TENT4B: variants seen among roughly 807,000 people sequenced by gnomAD.
TENT4B encodes terminal nucleotidyltransferase 4B, also known as PAP associated domain containing 5.
A neutral mutation model predicts 75.0 loss-of-function variants in TENT4B; 10 were observed. The ratio of observed to expected loss-of-function variants is 0.13; its 90% CI spans 0.08 to 0.23. TENT4B has a LOEUF of 0.23. TENT4B is among the 10% of genes least tolerant of loss of function. TENT4B has a pLI of 1.00. For synonymous variants in TENT4B, 350 were observed against 357.7 expected, an observed-to-expected ratio of 0.98 and a Z score of 0.24; for missense variants, 579 against 893.8, an observed-to-expected ratio of 0.65 and a Z score of 4.49.
chr16:50,220,125 A>G (rs2031758687), intron 5 of TENT4B, among the ~76,000 whole-genome samples: 1 of 151,358 alleles, frequency 6.6e-6, no homozygotes, highest in Non-Finnish European at 1.5e-5. Context: ...AGTAGCTGGG[A>G]TTAGAGGCGC....
At position 50,153,853 on chromosome 16, in the gene TENT4B, C is replaced by G; in HGVS notation, c.232C>G (p.Pro78Ala). The change falls in exon 1 of 12, where the codon CCG (proline) becomes GCG (alanine). Residue 78 changes from proline to alanine, a missense_variant. Coordinates refer to ENST00000561678, the MANE Select transcript of TENT4B (RefSeq NM_001365324.3). The stretch of plus-strand genomic sequence containing the variant: ...CGGCGGCGCGGCCTCGGCCCCGGCC[C>G]CGGCCCCGGCCGGCATGTATCGCTC... Reference protein sequence around the residue: ...SPGGAASAPAPAPAGMYRSGE... With the variant: ...SPGGAASAPAAAPAGMYRSGE... 7.2e-7 allele frequency: 1 copy of G among 1,380,008 alleles called. No homozygotes were observed. The highest frequency in any genetic ancestry group is 1.6e-5 in the South Asian group (1 of 60,766). The allele number at this position is 1,380,008 out of a possible 1,614,324, so 85.5% of individuals were successfully genotyped here. A position where few individuals can be genotyped will look rare whatever the true frequency, so the allele number is the denominator to read the frequency against.
intron 1 of TENT4B, among the ~76,000 whole-genome samples, chr16:50,155,274 T>TGTGG (rs2037873653): frequency 7.3e-6 from 1 of 136,822 alleles, no homozygotes; most frequent in Non-Finnish European, 1.5e-5. Flanking sequence ...GTCTCGTGGG[T>TGTGG]GTGTGTGTGT....
At position 50,230,166 on chromosome 16, in the gene TENT4B, A is replaced by G. The variant is rs1324632714; in HGVS notation, c.*838A>G. On this transcript the variant is annotated 3_prime_UTR_variant, in exon 12 of 12. Transcript: ENST00000561678. Reference sequence around the variant, plus strand: ...TGTACTTTTGTGTAAACACTGAAAAATCTCTGGTCATCTCCGAGAATTAAC... The same window carrying G: ...TGTACTTTTGTGTAAACACTGAAAAGTCTCTGGTCATCTCCGAGAATTAAC... The G allele has an allele frequency of 3.0e-6, 3 of 984,496 alleles. No homozygotes were observed. The highest frequency in any genetic ancestry group is 3.6e-6 in the Non-Finnish European group (3 of 829,784). 61.0% of individuals were successfully genotyped at this position (984,496 alleles called of 1,614,324 possible).
chr16:50,184,907 A>G (rs922317860), intron 1 of TENT4B, among the ~76,000 whole-genome samples: 2 of 152,056 alleles, frequency 1.3e-5, no homozygotes, highest in African/African-American at 2.4e-5. Flanking sequence ...TCTTGGGTCA[A>G]TATCTAGGAG....
intron 1 of TENT4B, among the ~76,000 whole-genome samples, chr16:50,171,556 C>T (rs73571776): frequency 0.016 from 2,480 of 152,290 alleles, 68 homozygotes; most frequent in African/African-American, 0.056. Context: ...TATTTAGAAG[C>T]TCCTTCTCAG....
At chr16:50,158,116 T>G (rs1267904464) in intron 1 of TENT4B, among the ~76,000 whole-genome samples, 1 of 151,648 alleles carries the variant, frequency 6.6e-6, no homozygotes, top group Non-Finnish European at 1.5e-5. Flanking sequence ...AGAGGGAGTC[T>G]TGCTCTCTTG....
Position 50,154,061 on chromosome 16 carries a change from C to A in TENT4B, c.440C>A (p.Ala147Asp). ...SSPHPSAAVP[A>D]ADPADSASGS... ...CCGCACCCTTCGGCCGCCGTCCCCG[C>A]CGCCGATCCAGCCGATTCGGCCTCG... The change falls in exon 1 of 12, where the codon GCC (alanine) becomes GAC (aspartate). Residue 147 changes from alanine to aspartate, a missense_variant. Ala to Asp is a moderately radical substitution (Grantham distance 126). This residue lies in a region of TENT4B where 253 missense variants were observed against 270.1 expected (regional missense o/e 0.94). Coordinates refer to ENST00000561678, the MANE Select transcript of TENT4B (RefSeq NM_001365324.3). The A allele has an allele frequency of 6.5e-7, 1 of 1,531,664 alleles. No individual in the cohort carries two copies. The highest frequency in any genetic ancestry group is 1.2e-5 in the South Asian group (1 of 83,396). The allele number at this position is 1,531,664 out of a possible 1,614,324, so 94.9% of individuals were successfully genotyped here. A position where few individuals can be genotyped will look rare whatever the true frequency, so the allele number is the denominator to read the frequency against.
chr16:50,167,853 C>T (rs1567479142), intron 1 of TENT4B, among the ~76,000 whole-genome samples: 1 of 152,072 alleles, frequency 6.6e-6, no homozygotes, highest in Non-Finnish European at 1.5e-5. Flanking sequence ...GAGGGGGCTT[C>T]ACCATGTTTG....
At chr16:50,176,174 C>T (rs541239118) in intron 1 of TENT4B, among the ~76,000 whole-genome samples, 2 of 151,520 alleles carry the variant, frequency 1.3e-5, no homozygotes, top group South Asian at 4.2e-4. Context: ...GCAACCTCTG[C>T]CTCCTGGACT....
chr16:50,233,907 TC>T lies in TENT4B; in HGVS notation c.*4580del. 1 of 985,450 alleles carries T rather than the reference TC, an allele frequency of 1.0e-6. No individual in the cohort carries two copies. Among genetic ancestry groups the T allele is most frequent in the Non-Finnish European group, 1.2e-6 (1 of 829,920 alleles). The allele number at this position is 985,450 out of a possible 1,614,324, so 61.0% of individuals were successfully genotyped here. A position where few individuals can be genotyped will look rare whatever the true frequency, so the allele number is the denominator to read the frequency against. ...ATAAGAACAGCTAATGATGTGGAAA[TC>T]AGGTGTTCTCTTGTGTATTTCAGTG... is the stretch of plus-strand genomic sequence containing the variant. On this transcript the variant is annotated 3_prime_UTR_variant, in exon 12 of 12. Coordinates refer to ENST00000561678, the MANE Select transcript of TENT4B (RefSeq NM_001365324.3).
At chr16:50,216,297 A>G in intron 4 of TENT4B, 102 bp downstream of exon 4, 1 of 1,413,402 alleles carries the variant, frequency 7.1e-7, no homozygotes, top group Non-Finnish European at 9.7e-7. Flanking sequence ...CAAGTGAGTG[A>G]TTCTTTCATT....
Position 50,230,668 on chromosome 16 carries a change from A to G in TENT4B, c.*1340A>G, listed in dbSNP as rs2032263723. On this transcript the variant is annotated 3_prime_UTR_variant, in exon 12 of 12. Transcript: ENST00000561678. ...TTCATGGAATTGTTATCGTTAATTA[A>G]AACTTTTTTAAACATTGGCTTGTTT... is the stretch of plus-strand genomic sequence containing the variant. The G allele has an allele frequency of 1.0e-6, 1 of 985,544 alleles. No homozygotes were observed. Among genetic ancestry groups the G allele is most frequent in the Non-Finnish European group, 1.2e-6 (1 of 829,786 alleles). The allele number at this position is 985,544 out of a possible 1,614,324, so 61.0% of individuals were successfully genotyped here.
chr16:50,210,930 G>A (rs886196311), intron 1 of TENT4B, among the ~76,000 whole-genome samples: 1 of 152,210 alleles, frequency 6.6e-6, no homozygotes, highest in Non-Finnish European at 1.5e-5. Context: ...TATGAAAGAT[G>A]TACTGTTTGC....
chr16:50,207,429 C>T (rs150827478), intron 1 of TENT4B, among the ~76,000 whole-genome samples: 33 of 152,190 alleles, frequency 2.2e-4, no homozygotes, highest in African/African-American at 7.9e-4. Flanking sequence ...GCGATCCACC[C>T]GCCTCAGCCT....
intron 1 of TENT4B, among the ~76,000 whole-genome samples, chr16:50,204,267 C>T (rs1300125583): frequency 6.6e-6 from 1 of 152,208 alleles, no homozygotes; most frequent in Middle Eastern, 3.4e-3. Flanking sequence ...GAACTCAGAG[C>T]ACGGTCAGGG....
chr16:50,182,891 C>CTTTGTTTTTT (rs2038443902), intron 1 of TENT4B, among the ~76,000 whole-genome samples: 1 of 36,458 alleles, frequency 2.7e-5, no homozygotes, highest in Non-Finnish European at 5.1e-5. Flanking sequence ...TTTATTTTAC[C>CTTTGTTTTTT]TTTTTTTTTT....
intron 5 of TENT4B, among the ~76,000 whole-genome samples, chr16:50,220,952 T>C (rs1048823278): frequency 2.0e-5 from 3 of 152,136 alleles, no homozygotes; most frequent in Non-Finnish European, 2.9e-5. Flanking sequence ...GTGTTCATTG[T>C]AGGACATCTA....
chr16:50,161,963 T>G (rs557296348), intron 1 of TENT4B, among the ~76,000 whole-genome samples: 3 of 152,282 alleles, frequency 2.0e-5, no homozygotes, highest in East Asian at 3.9e-4. Flanking sequence ...TGCTACCACT[T>G]TATAGCCGCA....
chr16:50,186,863 G>T (rs1393292578), intron 1 of TENT4B, among the ~76,000 whole-genome samples: 1 of 151,464 alleles, frequency 6.6e-6, no homozygotes, highest in Non-Finnish European at 1.5e-5. Context: ...TGTAGGCGTG[G>T]GCCACTGCAC....
Sources: gnomAD v4.1 joint callset for allele counts (sites outside exome capture counted in the v4.1 genomes callset) on GRCh38, gnomAD v4.1.1 for gene constraint, gnomAD v4.1.1 regional missense constraint, MANE v1.5 for transcripts, NCBI Gene and HGNC (gene_info 2026-07-23, HGNC 2026-07-21) for gene names.